The following CPM variants were observed in gnomAD, a reference collection of about 807,000 sequenced individuals.
The protein encoded by CPM is renal carboxypeptidase.
CPM carries 35 observed loss-of-function variants against 46.4 expected under a neutral mutation model. The observed-to-expected ratio is 0.75, with a 90% CI of 0.58 to 1.00. The LOEUF (loss-of-function observed/expected upper bound fraction) is 1.00. CPM is among the 50% of genes least tolerant of loss of function. CPM has a pLI of 0.00. For synonymous variants in CPM, 195 were observed against 195.3 expected (o/e 1.00, Z 0.01); for missense variants, 422 against 530.4 (o/e 0.80, Z 2.01).
chr12:68,939,298 AT>A (rs1481939425), intron 1 of CPM, among the ~76,000 whole-genome samples: 1 of 147,702 alleles, frequency 6.8e-6, no homozygotes, highest in Non-Finnish European at 1.5e-5. Context: ...TAGTATATGT[AT>A]TATGTGTACA....
chr12:68,889,254 T>C (rs1352954094), intron 2 of CPM, among the ~76,000 whole-genome samples: 1 of 152,246 alleles, frequency 6.6e-6, no homozygotes, highest in Non-Finnish European at 1.5e-5. Flanking sequence ...CATGTTTATA[T>C]GTTAAGAAGT....
intron 1 of CPM, among the ~76,000 whole-genome samples, chr12:68,944,894 G>A (rs895608316): frequency 6.6e-6 from 1 of 152,008 alleles, no homozygotes. Context: ...TCATAGGGGT[G>A]TGGAAAACTG....
chr12:68,850,956 A>G (rs1456605902), downstream of CPM, among the ~76,000 whole-genome samples: 3 of 152,168 alleles, frequency 2.0e-5, no homozygotes, highest in East Asian at 1.9e-4. Context: ...TTAATTTGGA[A>G]TGTATTATAT....
chr12:68,959,871 G>A (rs1027675012), intron 1 of CPM, among the ~76,000 whole-genome samples: 1 of 152,196 alleles, frequency 6.6e-6, no homozygotes, highest in Non-Finnish European at 1.5e-5. Context: ...ATATCCCCAG[G>A]CGTCTCTCCC....
chr12:68,851,174 A>C (rs1000573624), downstream of CPM: 4 of 152,614 alleles, frequency 2.6e-5, no homozygotes, highest in Non-Finnish European at 5.9e-5. Flanking sequence ...AAAAAGCATT[A>C]TTTATATGGA....
upstream of CPM, among the ~76,000 whole-genome samples, chr12:68,937,470 A>G (rs1309570348): frequency 6.6e-6 from 1 of 152,232 alleles, no homozygotes; most frequent in Admixed American, 6.5e-5. Context: ...GCCTCCCACA[A>G]CAAAGAATTA....
intron 3 of CPM, among the ~76,000 whole-genome samples, chr12:68,878,952 C>T (rs917416030): frequency 2.0e-5 from 3 of 152,200 alleles, no homozygotes; most frequent in African/African-American, 4.8e-5. Flanking sequence ...CTTTGGAAGG[C>T]CAAAGCCAGA....
intron 2 of CPM, among the ~76,000 whole-genome samples, chr12:68,914,392 G>A (rs1013588586): frequency 3.3e-5 from 5 of 152,138 alleles, no homozygotes; most frequent in African/African-American, 1.2e-4. Flanking sequence ...GGCACATAAA[G>A]GTGTTCAATA....
chr12:68,921,689 C>A (rs1421384180), intron 2 of CPM, among the ~76,000 whole-genome samples: 3 of 152,024 alleles, frequency 2.0e-5, no homozygotes. Flanking sequence ...TGTGGTCCCC[C>A]AATTCTACCT....
At chr12:68,918,931 C>G (rs1378431364) in intron 2 of CPM, among the ~76,000 whole-genome samples, 1 of 152,226 alleles carries the variant, frequency 6.6e-6, no homozygotes, top group East Asian at 1.9e-4. Flanking sequence ...TTCAAACTCT[C>G]CACTTTAGAA....
At chr12:68,885,007 G>A (rs996197863) in intron 3 of CPM, among the ~76,000 whole-genome samples, 2 of 152,138 alleles carry the variant, frequency 1.3e-5, no homozygotes, top group Non-Finnish European at 2.9e-5. Flanking sequence ...GCAGTGGCAC[G>A]ATCTTGGCTC....
chr12:68,905,805 G>A (rs1176613909), intron 2 of CPM, among the ~76,000 whole-genome samples: 1 of 152,000 alleles, frequency 6.6e-6, no homozygotes. Context: ...CGATGTCTTG[G>A]GCTGCTCCAG....
chr12:68,842,578 A>C (rs186390042), intron 5 of CPM: 272 of 323,978 alleles, frequency 8.4e-4, no homozygotes, highest in Non-Finnish European at 1.3e-3. Context: ...TTAACTCTTT[A>C]CTGATATGTT....
chr12:68,939,072 CTA>C (rs1888718689), intron 1 of CPM, among the ~76,000 whole-genome samples: 1 of 145,706 alleles, frequency 6.9e-6, no homozygotes, highest in Non-Finnish European at 1.5e-5. Context: ...GTACATACAT[CTA>C]TATATGTATA....
chr12:68,867,794 C>T (rs1005105461), intron 6 of CPM, among the ~76,000 whole-genome samples: 7 of 152,210 alleles, frequency 4.6e-5, no homozygotes, highest in African/African-American at 1.4e-4. Context: ...ACTGCTCATG[C>T]TGACTTTCCA....
chr12:68,960,269 A>G (rs990784660), intron 1 of CPM, among the ~76,000 whole-genome samples: 2 of 152,220 alleles, frequency 1.3e-5, no homozygotes, highest in African/African-American at 4.8e-5. Flanking sequence ...TTTTCTCAAT[A>G]CGATGTCGAC....
At chr12:68,896,094 CTTCT>C (rs986245004) in intron 2 of CPM, among the ~76,000 whole-genome samples, 28 of 152,198 alleles carry the variant, frequency 1.8e-4, no homozygotes, top group African/African-American at 6.5e-4. Flanking sequence ...CCTAGCCATT[CTTCT>C]TTATGTGTAG....
chr12:68,890,108 C>A (rs574001069), intron 2 of CPM, among the ~76,000 whole-genome samples: 2 of 152,198 alleles, frequency 1.3e-5, no homozygotes, highest in Non-Finnish European at 2.9e-5. Flanking sequence ...AGGGTTCCAA[C>A]CAATACAAGA....
chr12:68,890,640 C>T (rs1277425936), intron 2 of CPM, among the ~76,000 whole-genome samples: 1 of 152,228 alleles, frequency 6.6e-6, no homozygotes, highest in Non-Finnish European at 1.5e-5. Context: ...GGAAAAAGTC[C>T]CCAGGCAGTT....
Sources: gnomAD v4.1 joint callset for allele counts (sites outside exome capture counted in the v4.1 genomes callset) on GRCh38, gnomAD v4.1.1 for gene constraint, MANE v1.5 for transcripts, NCBI Gene and HGNC (gene_info 2026-07-23, HGNC 2026-07-21) for gene names.